ZNF91: variants seen among roughly 807,000 people sequenced by gnomAD.
The protein encoded by ZNF91 is zinc finger protein 91, also known as zinc finger protein 91 (HPF7, HTF10).
Under a neutral mutation model 12.6 loss-of-function variants are expected in ZNF91, and 7 were observed. That is an observed-to-expected ratio of 0.55 (90% CI 0.31 to 1.04). The LOEUF (loss-of-function observed/expected upper bound fraction) is 1.04, where lower values mean the gene tolerates loss of function less well. ZNF91 is among the 50% of genes least tolerant of loss of function. The pLI, the probability that ZNF91 is intolerant of heterozygous loss-of-function variation, is 0.05. For synonymous variants in ZNF91, 453 were observed against 462.6 expected (o/e 0.98, Z 0.27); for missense variants, 1,217 against 1,385.4 (o/e 0.88, Z 1.93).
intron 3 of ZNF91, among the ~76,000 whole-genome samples, chr19:23,366,414 T>C (rs898133587): frequency 6.6e-6 from 1 of 152,108 alleles, no homozygotes; most frequent in Admixed American, 6.5e-5. Context: ...TTTCGATAAA[T>C]AGAAGATTCA....
At position 23,395,411 on chromosome 19, in the gene ZNF91, T is replaced by C. The variant is rs1970203076; in HGVS notation, c.-57A>G. 5 of 1,602,348 alleles carry C rather than the reference T, an allele frequency of 3.1e-6. No individual in the cohort carries two copies. In the Admixed American group the frequency reaches 8.5e-5, roughly 27 times the overall value. ...ACAGGGCCACACAGGCTGGGCCTCC[T>C]GGAGCAGAGGACACAGAGCAGTGAA... On this transcript the variant is annotated 5_prime_UTR_variant, in exon 1 of 4. Coordinates refer to ENST00000300619, the MANE Select transcript of ZNF91 (RefSeq NM_003430.4).
intron 1 of ZNF91, among the ~76,000 whole-genome samples, chr19:23,320,812 T>C (rs1427844206): frequency 1.3e-5 from 2 of 152,136 alleles, no homozygotes; most frequent in Non-Finnish European, 2.9e-5. Flanking sequence ...AGAGTAAAGA[T>C]TGTTGTCCTC....
rs1599718969 is a variant in ZNF91 at position 23,359,620 on chromosome 19, G to A, written c.3359C>T (p.Ala1120Val). 5.6e-6 allele frequency: 9 copies of A among 1,613,728 alleles called. No individual in the cohort carries two copies. Among genetic ancestry groups the A allele is most frequent in the Non-Finnish European group, 7.6e-6 (9 of 1,179,872 alleles). ...GTGAATTATCTTATGTTTAGTAAGA[G>A]CTGAGGACTCTTTAAAGGCTTTGCC... ...ECGKAFKESS[A>V]LTKHKIIHTG... is the part of the protein sequence containing the mutation. The change falls in exon 4 of 4, where the codon GCT becomes GTT. Residue 1120 changes from alanine (A) to valine (V), a missense_variant. Physicochemically the swap from Ala to Val is moderately conservative, Grantham distance 64 (BLOSUM62 0). Around this residue, in one of 2 missense-constraint regions of ZNF91, gnomAD observed 491 missense variants for 489.8 expected, o/e 1.00. Coordinates refer to ENST00000300619, the MANE Select transcript of ZNF91 (RefSeq NM_003430.4).
intron 3 of ZNF91, chr19:23,339,665 G>A (rs769341254): frequency 6.6e-6 from 1 of 152,018 alleles, no homozygotes; most frequent in Non-Finnish European, 1.5e-5. Context: ...GTTGACCAGG[G>A]GTGGTGGCTC....
intron 1 of ZNF91, among the ~76,000 whole-genome samples, chr19:23,391,817 G>A (rs976229083): frequency 2.6e-5 from 4 of 152,052 alleles, no homozygotes; most frequent in Non-Finnish European, 4.4e-5. Context: ...AAGGAACTAA[G>A]TGGGTCTTTA....
chr19:23,356,460 G>A (rs1790931408), downstream of ZNF91, among the ~76,000 whole-genome samples: 1 of 152,168 alleles, frequency 6.6e-6, no homozygotes, highest in Admixed American at 6.5e-5. Flanking sequence ...TGTCCTGGAT[G>A]AGATTGGAGA....
intron 1 of ZNF91, among the ~76,000 whole-genome samples, chr19:23,319,907 GAA>G (rs1967650337): frequency 6.6e-6 from 1 of 152,120 alleles, no homozygotes; most frequent in Non-Finnish European, 1.5e-5. Flanking sequence ...AAGGCTCAGG[GAA>G]AAAGGTAAGA....
intron 3 of ZNF91, among the ~76,000 whole-genome samples, chr19:23,349,536 G>A (rs920087621): frequency 1.3e-5 from 2 of 152,030 alleles, no homozygotes; most frequent in Non-Finnish European, 2.9e-5. Flanking sequence ...TCTTTCATTC[G>A]TGAAGCGGCA....
At chr19:23,394,414 A>C (rs1970162711) in intron 1 of ZNF91, among the ~76,000 whole-genome samples, 1 of 152,164 alleles carries the variant, frequency 6.6e-6, no homozygotes, top group Non-Finnish European at 1.5e-5. Context: ...CATAAGAAGG[A>C]TATTTCCACC....
chr19:23,378,415 G>C (rs934631189), intron 1 of ZNF91, among the ~76,000 whole-genome samples: 2 of 152,052 alleles, frequency 1.3e-5, no homozygotes, highest in Non-Finnish European at 2.9e-5. Context: ...ATGCCACTGG[G>C]GAGTATTTTT....
In ZNF91 at chr19:23,361,143, T is replaced by C. The variant is rs369352282; in HGVS notation, c.1836A>G (p.Leu612=). 2.7e-4 allele frequency: 431 copies of C among 1,611,940 alleles called. 3 individuals carry two copies. The highest frequency in any genetic ancestry group is 2.6e-3 in the African/African-American group (195 of 74,424). ...YKCEECGKAF[L]WSSTLRRHKR... ...TATGTCTTCTTAGGGTTGAGGACCA[T>C]AGAAATGCTTTGCCACATTCTTCAC... Residue 612 remains leucine (L), a synonymous_variant, in exon 4 of 4, where the codon CTA becomes CTG. Transcript: ENST00000300619.
intron 1 of ZNF91, among the ~76,000 whole-genome samples, chr19:23,378,982 A>G (rs1468149802): frequency 6.6e-6 from 1 of 151,214 alleles, no homozygotes; most frequent in African/African-American, 2.4e-5. Flanking sequence ...CATCTCTTGT[A>G]TGAGGGGAGG....
chr19:23,328,352 A>T (rs1967872709), intron 1 of ZNF91: 1 of 152,176 alleles, frequency 6.6e-6, no homozygotes, highest in African/African-American at 2.4e-5. Flanking sequence ...TGTGGAAGTA[A>T]CATTTGAGCT....
At chr19:23,382,143 T>C (rs566316214) in intron 1 of ZNF91, among the ~76,000 whole-genome samples, 2 of 152,076 alleles carry the variant, frequency 1.3e-5, no homozygotes, top group East Asian at 3.9e-4. Context: ...ATATACGTAA[T>C]CTAAATGTTA....
At chr19:23,334,770 T>C (rs1967976824), downstream of ZNF91, among the ~76,000 whole-genome samples, 2 of 152,164 alleles carry the variant, frequency 1.3e-5, no homozygotes, top group Admixed American at 1.3e-4. Context: ...AAATGATTAT[T>C]ATAATGGGGT....
At chr19:23,353,882 C>T (rs1968425535), downstream of ZNF91, among the ~76,000 whole-genome samples, 1 of 152,132 alleles carries the variant, frequency 6.6e-6, no homozygotes, top group South Asian at 2.1e-4. Flanking sequence ...TACAACCCTC[C>T]TAGCTTAAAT....
At chr19:23,334,439 G>T (rs77314695), downstream of ZNF91, among the ~76,000 whole-genome samples, 64 of 152,208 alleles carry the variant, frequency 4.2e-4, 2 homozygotes, top group East Asian at 0.012. Flanking sequence ...GTTCAGCAAC[G>T]TGCAGTGCAA....
Position 23,360,646 on chromosome 19 carries a change from G to A in ZNF91, c.2333C>T (p.Ala778Val). 1.2e-6 allele frequency: 2 copies of A among 1,613,872 alleles called. No homozygotes were observed. Among genetic ancestry groups the A allele is most frequent in the Non-Finnish European group, 1.7e-6 (2 of 1,179,918 alleles). ...AGTTAGGGTTGAAGACCATATAAAT[G>A]CTTTGCCACATTCTTTACATTTGAA... is the stretch of plus-strand genomic sequence containing the variant. ...KPFKCKECGK[A>V]FIWSSTLTRH... is the part of the protein sequence containing the mutation. Residue 778 changes from alanine to valine, a missense_variant, in exon 4 of 4, where the codon GCA (alanine) becomes GTA (valine). Coordinates refer to ENST00000300619, the MANE Select transcript of ZNF91 (RefSeq NM_003430.4).
Position 23,358,948 on chromosome 19 carries a change from T to A in ZNF91, c.*455A>T, listed in dbSNP as rs1968579270. On this transcript the variant is annotated 3_prime_UTR_variant, in exon 4 of 4. Transcript: ENST00000300619. ...GACTTTACCACATTATTCACACTTGTAAGATTTCTCTCCAATATGAGTTAT... is the reference window on the plus strand; with the variant it reads ...GACTTTACCACATTATTCACACTTGAAAGATTTCTCTCCAATATGAGTTAT... 5.9e-6 allele frequency: 2 copies of A among 341,120 alleles called. No individual in the cohort carries two copies. 21.1% of individuals were successfully genotyped at this position (341,120 alleles called of 1,614,324 possible).
Sources: allele counts gnomAD v4.1 joint callset (sites outside exome capture counted in the v4.1 genomes callset), GRCh38; gene constraint gnomAD v4.1.1; regional missense constraint gnomAD v4.1.1; transcripts MANE v1.5; gene names NCBI Gene and HGNC (gene_info 2026-07-23, HGNC 2026-07-21).